RBMS1: variants seen among roughly 807,000 people sequenced by gnomAD.
RBMS1 encodes RNA-binding motif, single-stranded-interacting protein 1.
In RBMS1, 17 loss-of-function variants were observed where a neutral mutation model predicts 62.3. The observed-to-expected ratio is 0.27, with a 90% CI of 0.19 to 0.41. The LOEUF is 0.41. RBMS1 is among the 10% of genes least tolerant of loss of function. The probability of loss-of-function intolerance (pLI) is 1.00; values close to 1 mark genes in which losing one functional copy is unlikely to be tolerated. For missense variants in RBMS1, 334 were observed against 504.5 expected (o/e 0.66, Z 3.24); for synonymous variants, 172 against 170.0 (o/e 1.01, Z -0.09).
intron 3 of RBMS1, among the ~76,000 whole-genome samples, chr2:160,317,881 C>A (rs934486674): frequency 1.3e-5 from 2 of 152,118 alleles, no homozygotes; most frequent in African/African-American, 4.8e-5. Flanking sequence ...AACTCTACTC[C>A]CCTTTTAAAA....
At chr2:160,486,941 C>T (rs1235678252) in intron 1 of RBMS1, among the ~76,000 whole-genome samples, 2 of 152,154 alleles carry the variant, frequency 1.3e-5, no homozygotes, top group African/African-American at 4.8e-5. Context: ...TGTATAACCA[C>T]TATGCCATCA....
At chr2:160,328,631 A>C (rs1380831402) in intron 2 of RBMS1, among the ~76,000 whole-genome samples, 1 of 152,174 alleles carries the variant, frequency 6.6e-6, no homozygotes, top group African/African-American at 2.4e-5. Flanking sequence ...TTAGGAACTT[A>C]AAATGGAATT....
At chr2:160,439,800 C>T (rs1041292519) in intron 1 of RBMS1, among the ~76,000 whole-genome samples, 1 of 152,228 alleles carries the variant, frequency 6.6e-6, no homozygotes, top group African/African-American at 2.4e-5. Flanking sequence ...CGTCTGCAAT[C>T]CCAGCACCTT....
intron 1 of RBMS1, among the ~76,000 whole-genome samples, chr2:160,440,294 G>A (rs1683359477): frequency 6.6e-6 from 1 of 152,030 alleles, no homozygotes; most frequent in Admixed American, 6.5e-5. Context: ...TCCTATCTGA[G>A]GCAGGACCCA....
In RBMS1 at chr2:160,369,186, C is replaced by A. The variant is rs1339678642; in HGVS notation, c.76-1795G>T. On this transcript the variant is annotated intron_variant, in intron 1 of 13. Transcript: ENST00000348849. ...TCCCAAAATAAAAGCAGCCTGAGATCATATCCTACCAAATCTATTTGATTC... is the reference window on the plus strand; with the variant it reads ...TCCCAAAATAAAAGCAGCCTGAGATAATATCCTACCAAATCTATTTGATTC... Among the ~76,000 whole-genome samples, 8 of 152,216 alleles carry A rather than the reference C, an allele frequency of 5.3e-5. 1 individual carries two copies. Among genetic ancestry groups the A allele is most frequent in the Admixed American group, 5.2e-4 (8 of 15,284 alleles).
chr2:160,306,834 G>T (rs1392658132), intron 4 of RBMS1, among the ~76,000 whole-genome samples: 1 of 151,794 alleles, frequency 6.6e-6, no homozygotes, highest in Non-Finnish European at 1.5e-5. Flanking sequence ...AACTGGTGGT[G>T]GTTCTTGAAA....
At chr2:160,489,456 C>G (rs1343974250) in intron 1 of RBMS1, among the ~76,000 whole-genome samples, 1 of 152,140 alleles carries the variant, frequency 6.6e-6, no homozygotes, top group Non-Finnish European at 1.5e-5. Flanking sequence ...TGTATCAAAT[C>G]AGGACTACTA....
intron 1 of RBMS1, among the ~76,000 whole-genome samples, chr2:160,489,896 A>C (rs1685750790): frequency 6.6e-6 from 1 of 152,154 alleles, no homozygotes; most frequent in Non-Finnish European, 1.5e-5. Context: ...CTAATCATGG[A>C]AAGAAAATTT....
chr2:160,407,686 G>C (rs1695827172), intron 1 of RBMS1: 1 of 981,728 alleles, frequency 1.0e-6, no homozygotes, highest in African/African-American at 1.8e-5. Flanking sequence ...GGCGGGGGCT[G>C]CAGCTCCGCG....
At chr2:160,373,531 G>A (rs889983079) in intron 1 of RBMS1, among the ~76,000 whole-genome samples, 1 of 152,084 alleles carries the variant, frequency 6.6e-6, no homozygotes, top group Admixed American at 6.6e-5. Flanking sequence ...GAACTCCAGC[G>A]ACTCGCCAAG....
At chr2:160,468,440 A>T (rs1369329855) in intron 1 of RBMS1, among the ~76,000 whole-genome samples, 1 of 152,194 alleles carries the variant, frequency 6.6e-6, no homozygotes, top group Non-Finnish European at 1.5e-5. Flanking sequence ...ACCCTGCTCC[A>T]ATCTTGAGTA....
chr2:160,487,181 T>G (rs1685633578), intron 1 of RBMS1, among the ~76,000 whole-genome samples: 1 of 152,158 alleles, frequency 6.6e-6, no homozygotes, highest in South Asian at 2.1e-4. Flanking sequence ...GTAAAAAAAT[T>G]CATTTATTCA....
intron 1 of RBMS1, among the ~76,000 whole-genome samples, chr2:160,408,794 A>T (rs1695906712): frequency 6.6e-6 from 1 of 152,302 alleles, no homozygotes; most frequent in South Asian, 2.1e-4. Flanking sequence ...TGTGCAGTGC[A>T]GAAGGCCTCC....
At chr2:160,311,234 A>ATATATCTATATATATATATATATC in intron 4 of RBMS1, among the ~76,000 whole-genome samples, 1 of 107,426 alleles carries the variant, frequency 9.3e-6, no homozygotes, top group African/African-American at 3.3e-5. Context: ...CTATCTATCT[A>ATATATCTATATATATATATATATC]TATATATATA....
intron 1 of RBMS1, among the ~76,000 whole-genome samples, chr2:160,405,835 C>T (rs1695675853): frequency 6.6e-6 from 1 of 152,116 alleles, no homozygotes. Context: ...AACACCCCGC[C>T]GGGTTTTGAC....
chr2:160,462,595 T>C (rs1684512760), intron 1 of RBMS1, among the ~76,000 whole-genome samples: 1 of 152,164 alleles, frequency 6.6e-6, no homozygotes, highest in Non-Finnish European at 1.5e-5. Flanking sequence ...TGGAACATCA[T>C]ATTAGCCATA....
intron 1 of RBMS1, among the ~76,000 whole-genome samples, chr2:160,441,953 T>C (rs1464974637): frequency 6.6e-6 from 1 of 152,250 alleles, no homozygotes; most frequent in Non-Finnish European, 1.5e-5. Flanking sequence ...GCCATTCATA[T>C]ATCTTCTTTT....
intron 2 of RBMS1, among the ~76,000 whole-genome samples, chr2:160,348,195 A>G (rs1032775455): frequency 2.6e-5 from 4 of 152,132 alleles, no homozygotes; most frequent in Admixed American, 2.0e-4. Flanking sequence ...CCAAAAGAGT[A>G]TATGCATTTG....
At chr2:160,469,987 C>CA (rs1684853017) in intron 1 of RBMS1, among the ~76,000 whole-genome samples, 1 of 152,190 alleles carries the variant, frequency 6.6e-6, no homozygotes, top group Non-Finnish European at 1.5e-5. Context: ...ACTAGGATTT[C>CA]ATTGAGTATG....
Sources: allele counts gnomAD v4.1 joint callset (sites outside exome capture counted in the v4.1 genomes callset), GRCh38; gene constraint gnomAD v4.1.1; transcripts MANE v1.5; gene names NCBI Gene and HGNC (gene_info 2026-07-23, HGNC 2026-07-21).